The following AVEN variants were observed in gnomAD, a reference collection of about 807,000 sequenced individuals.
AVEN encodes the protein cell death regulator Aven.
In AVEN, 41 loss-of-function variants were observed where a neutral mutation model predicts 38.1. That is an observed-to-expected ratio of 1.08 (90% CI 0.84 to 1.40). AVEN has a LOEUF of 1.40. AVEN is among the 40% of genes most tolerant of loss of function. The pLI is 0.00. For missense variants in AVEN, 605 were observed against 438.8 expected (o/e 1.38, Z -3.38); for synonymous variants, 206 against 171.8 (o/e 1.20, Z -1.56).
chr15:34,030,912 C>T (rs1898758273), intron 1 of AVEN, among the ~76,000 whole-genome samples: 1 of 152,124 alleles, frequency 6.6e-6, no homozygotes, highest in South Asian at 2.1e-4. Context: ...GCCACTACAC[C>T]TGGCCTAAAT....
At chr15:34,024,769 G>A (rs2140731953) in intron 1 of AVEN, among the ~76,000 whole-genome samples, 1 of 151,652 alleles carries the variant, frequency 6.6e-6, no homozygotes, top group Admixed American at 6.6e-5. Context: ...GCTGAGGCAG[G>A]AGAATAGCTT....
chr15:33,865,316 G>A (rs192105906), downstream of AVEN: 3 of 863,900 alleles, frequency 3.5e-6, no homozygotes, highest in African/African-American at 3.4e-5. Context: ...TATCTGAAAT[G>A]TGACATTTTC....
intron 5 of AVEN, chr15:34,062,571 A>AAT: frequency 4.5e-6 from 3 of 668,420 alleles, no homozygotes; most frequent in Non-Finnish European, 7.1e-6. Context: ...AAAAAAAAAA[A>AAT]AAACTATAAA....
At chr15:34,023,465 C>G (rs1485338418) in intron 1 of AVEN, among the ~76,000 whole-genome samples, 2 of 152,158 alleles carry the variant, frequency 1.3e-5, no homozygotes, top group Admixed American at 6.5e-5. Flanking sequence ...AGAGCTCAGG[C>G]GCAGCCCACC....
At chr15:33,874,499 G>A (rs1038071258) in intron 3 of AVEN, among the ~76,000 whole-genome samples, 10 of 152,122 alleles carry the variant, frequency 6.6e-5, no homozygotes, top group African/African-American at 2.4e-4. Flanking sequence ...CCGTTCAAAT[G>A]ATCTTTTCCC....
At chr15:33,991,235 C>A (rs1896707777) in intron 2 of AVEN, 1 of 152,084 alleles carries the variant, frequency 6.6e-6, no homozygotes, top group Non-Finnish European at 1.5e-5. Context: ...GAGACCCTGG[C>A]CCTGAACCCT....
chr15:33,860,530 C>A, intron 11 of AVEN: 2 of 944,258 alleles, frequency 2.1e-6, no homozygotes, highest in South Asian at 2.1e-5. Context: ...TAGCTTCTTC[C>A]TTTATCATTC....
intron 2 of AVEN, among the ~76,000 whole-genome samples, chr15:33,987,794 T>C (rs1002878258): frequency 6.6e-6 from 1 of 152,184 alleles, no homozygotes; most frequent in African/African-American, 2.4e-5. Flanking sequence ...AGAAGATTCA[T>C]AATCAGCGCT....
intron 1 of AVEN, among the ~76,000 whole-genome samples, chr15:34,034,878 G>C (rs1279314345): frequency 6.6e-6 from 1 of 152,164 alleles, no homozygotes; most frequent in Non-Finnish European, 1.5e-5. Context: ...ATTTGCTTCA[G>C]GCTTTCTGGA....
intron 5 of AVEN, among the ~76,000 whole-genome samples, chr15:34,061,390 A>T (rs1900331587): frequency 3.3e-5 from 1 of 30,578 alleles, no homozygotes; most frequent in South Asian, 2.4e-3. Context: ...TGGTAGCTCT[A>T]GATGTACTGA....
intron 3 of AVEN, 121 bp from the exon 4 acceptor site, chr15:33,871,151 A>T (rs1890930966): frequency 1.9e-6 from 1 of 534,424 alleles, no homozygotes; most frequent in Admixed American, 4.1e-5. Flanking sequence ...GTCACACCAT[A>T]CATCACACTT....
intron 2 of AVEN, among the ~76,000 whole-genome samples, chr15:33,907,889 T>C (rs1892767682): frequency 6.6e-6 from 1 of 151,834 alleles, no homozygotes; most frequent in South Asian, 2.1e-4. Context: ...TTTATAATCT[T>C]GGAGTGAAGA....
At chr15:34,062,872 T>C (rs1172869026) in intron 5 of AVEN, 14 of 1,614,242 alleles carry the variant, frequency 8.7e-6, no homozygotes, top group Non-Finnish European at 1.2e-5. Context: ...GTCTTGGTCA[T>C]GATCTCCTTC....
chr15:33,870,208 C>G lies in AVEN; in HGVS notation c.612+727G>C, dbSNP rs967981156. ...CCATCTCCACCGTCATTACTGTAGT[C>G]CAAGCTACAGTACTACTCACCTGCA... On this transcript the variant is annotated intron_variant, in intron 4 of 5. Transcript: ENST00000306730. Among the ~76,000 whole-genome samples the G allele has an allele frequency of 4.6e-5, 7 of 152,260 alleles. No homozygotes were observed. In the East Asian group the frequency reaches 1.3e-3, roughly 29 times the overall value.
intron 2 of AVEN, among the ~76,000 whole-genome samples, chr15:33,960,855 T>C (rs1192115870): frequency 6.6e-6 from 1 of 152,240 alleles, no homozygotes; most frequent in Admixed American, 6.5e-5. Flanking sequence ...ATCCAGTGTC[T>C]AGAACAATGC....
intron 11 of AVEN, chr15:33,861,207 G>T: frequency 6.6e-7 from 1 of 1,507,812 alleles, no homozygotes; most frequent in Non-Finnish European, 9.1e-7. Context: ...CAAAAGTAAT[G>T]GCAGCTGTAG....
chr15:33,905,093 G>A (rs950854015), intron 2 of AVEN, among the ~76,000 whole-genome samples: 6 of 143,282 alleles, frequency 4.2e-5, no homozygotes, highest in East Asian at 2.0e-4. Context: ...TTGCGCCGTC[G>A]CACTCCAGCC....
intron 3 of AVEN, 112 bp downstream of exon 3, chr15:33,875,813 G>A: frequency 9.4e-7 from 1 of 1,061,038 alleles, no homozygotes; most frequent in Non-Finnish European, 1.4e-6. Flanking sequence ...AGGGTACACT[G>A]TAAGAATTAC....
At chr15:34,041,807 A>C (rs1899486935), upstream of AVEN, among the ~76,000 whole-genome samples, 1 of 152,228 alleles carries the variant, frequency 6.6e-6, no homozygotes, top group African/African-American at 2.4e-5. Flanking sequence ...GTTGCAAAAA[A>C]GTTAAATAAT....
Sources: allele counts gnomAD v4.1 joint callset (sites outside exome capture counted in the v4.1 genomes callset), GRCh38; gene constraint gnomAD v4.1.1; transcripts MANE v1.5; gene names NCBI Gene and HGNC (gene_info 2026-07-23, HGNC 2026-07-21).